The following SGCZ variants were observed in gnomAD, a reference collection of about 807,000 sequenced individuals.
SGCZ encodes sarcoglycan zeta, also known as zeta-sarcoglycan.
SGCZ carries 40 observed loss-of-function variants against 41.3 expected under a neutral mutation model. That is an observed-to-expected ratio of 0.97 (90% confidence interval 0.75 to 1.26). The LOEUF is 1.26. Ranked by LOEUF, SGCZ falls within the 50% of genes most tolerant of loss-of-function variation. The probability of loss-of-function intolerance (pLI) is 0.00; values close to 1 mark genes in which losing one functional copy is unlikely to be tolerated. For synonymous variants in SGCZ, 206 were observed against 137.5 expected, an observed-to-expected ratio of 1.50 and a Z score of -3.49; for missense variants, 552 against 369.8, an observed-to-expected ratio of 1.49 and a Z score of -4.04.
intron 1 of SGCZ, among the ~76,000 whole-genome samples, chr8:14,785,505 T>C (rs1034045504): frequency 6.6e-6 from 1 of 152,124 alleles, no homozygotes; most frequent in African/African-American, 2.4e-5. Flanking sequence ...AAATACCCAA[T>C]AGTCAATATA....
chr8:14,582,647 A>G (rs201571282), intron 1 of SGCZ, among the ~76,000 whole-genome samples: 131 of 131,686 alleles, frequency 9.9e-4, no homozygotes, highest in East Asian at 1.3e-3. Flanking sequence ...TCCTAATGCT[A>G]TCCCTCCCCC....
chr8:14,346,146 C>T (rs1246683016), intron 2 of SGCZ, among the ~76,000 whole-genome samples: 1 of 151,916 alleles, frequency 6.6e-6, no homozygotes, highest in Admixed American at 6.6e-5. Context: ...TCAGTTGTAA[C>T]AAATGTATCA....
chr8:15,090,698 G>A (rs975266637), intron 1 of SGCZ, among the ~76,000 whole-genome samples: 1 of 152,144 alleles, frequency 6.6e-6, no homozygotes. Flanking sequence ...GCCAAGCGTT[G>A]ATAGGAAGCA....
chr8:14,892,693 A>C (rs534162293), intron 1 of SGCZ, among the ~76,000 whole-genome samples: 1 of 152,310 alleles, frequency 6.6e-6, no homozygotes, highest in Admixed American at 6.5e-5. Flanking sequence ...AAGTAAATAA[A>C]AATTATGATC....
intron 1 of SGCZ, among the ~76,000 whole-genome samples, chr8:14,623,263 A>G (rs1585133093): frequency 6.6e-6 from 1 of 152,250 alleles, no homozygotes; most frequent in East Asian, 1.9e-4. Flanking sequence ...CAAATTAAGT[A>G]GCAGGAAAGC....
chr8:14,776,518 CTT>C (rs35602866), intron 1 of SGCZ, among the ~76,000 whole-genome samples: 6 of 116,616 alleles, frequency 5.1e-5, no homozygotes, highest in Admixed American at 1.0e-4. Flanking sequence ...TTTTCTTTTT[CTT>C]TTTTTTTTTT....
At position 15,189,433 on chromosome 8, in the gene SGCZ, T is replaced by C. The variant is rs77930348; in HGVS notation, c.39+48152A>G. ...CATTTTCACTTTTTGTAAAGAAAGC[T>C]TTCCCTCCAAAAGCTTGCCTGGTAC... On this transcript the variant is annotated intron_variant, in intron 1 of 7. Coordinates refer to ENST00000382080, the MANE Select transcript of SGCZ (RefSeq NM_139167.4). Among the ~76,000 whole-genome samples the C allele has an allele frequency of 9.1e-3, 1,381 of 152,300 alleles. 20 individuals are homozygous for C. The highest frequency in any genetic ancestry group is 0.031 in the African/African-American group (1,297 of 41,568).
At chr8:14,681,770 G>C (rs1322643844) in intron 1 of SGCZ, among the ~76,000 whole-genome samples, 1 of 152,062 alleles carries the variant, frequency 6.6e-6, no homozygotes, top group African/African-American at 2.4e-5. Context: ...ATATCTTAGA[G>C]AGAGGTCTCT....
Position 14,483,642 on chromosome 8 carries a change from T to G in SGCZ, c.234+71090A>C, listed in dbSNP as rs553155189. 1.3e-4 allele frequency among the ~76,000 whole-genome samples: 20 copies of G among 152,328 alleles called. 3 individuals are homozygous for G. In the South Asian group the frequency reaches 4.1e-3, roughly 32 times the overall value. Reference sequence around the variant, plus strand: ...TCATTTTTGGCCATGTAAATTACGTTGATAAAGAAATTCAAAGAGAGTATA... The same window carrying G: ...TCATTTTTGGCCATGTAAATTACGTGGATAAAGAAATTCAAAGAGAGTATA... On this transcript the variant is annotated intron_variant, in intron 2 of 7. Transcript: ENST00000382080.
At chr8:15,201,873 T>C (rs1337175998) in intron 1 of SGCZ, among the ~76,000 whole-genome samples, 2 of 152,208 alleles carry the variant, frequency 1.3e-5, no homozygotes, top group Non-Finnish European at 2.9e-5. Flanking sequence ...AGAGTGACTA[T>C]CTATATAAAA....
Position 14,086,989 on chromosome 8 carries a change from C to T in SGCZ, c.*3454G>A, listed in dbSNP as rs914321101. ...GTGACCAACGTAATTAAATATATGT[C>T]TTAAGTAGGTAAGTTCACATGACTA... is the stretch of plus-strand genomic sequence containing the variant. On this transcript the variant is annotated 3_prime_UTR_variant, in exon 8 of 8. Coordinates refer to ENST00000382080, the MANE Select transcript of SGCZ (RefSeq NM_139167.4). 1.3e-5 allele frequency among the ~76,000 whole-genome samples: 2 copies of T among 151,560 alleles called. No homozygotes were observed. The highest frequency in any genetic ancestry group is 1.5e-5 in the Non-Finnish European group (1 of 67,720).
intron 2 of SGCZ, among the ~76,000 whole-genome samples, chr8:14,338,724 AAT>A (rs1802588041): frequency 6.6e-6 from 1 of 152,180 alleles, no homozygotes; most frequent in Non-Finnish European, 1.5e-5. Flanking sequence ...TTTCTTATGA[AAT>A]AGAGTGAACA....
chr8:14,198,569 A>C (rs1319005659), intron 4 of SGCZ, among the ~76,000 whole-genome samples: 3 of 150,916 alleles, frequency 2.0e-5, no homozygotes, highest in African/African-American at 7.3e-5. Flanking sequence ...AACAAATTGC[A>C]CATGTACACC....
At chr8:14,814,730 C>T (rs190414876) in intron 1 of SGCZ, among the ~76,000 whole-genome samples, 2 of 152,216 alleles carry the variant, frequency 1.3e-5, no homozygotes, top group East Asian at 1.9e-4. Flanking sequence ...TCTCTCATCA[C>T]CAAATCTCAT....
chr8:14,607,648 G>C (rs1414069018), intron 1 of SGCZ, among the ~76,000 whole-genome samples: 1 of 152,062 alleles, frequency 6.6e-6, no homozygotes, highest in Non-Finnish European at 1.5e-5. Flanking sequence ...GTGCAGGGTA[G>C]TGACAATTAT....
At chr8:14,961,625 C>T (rs1413328369) in intron 1 of SGCZ, among the ~76,000 whole-genome samples, 2 of 152,154 alleles carry the variant, frequency 1.3e-5, no homozygotes, top group East Asian at 3.9e-4. Flanking sequence ...TAAGAAAAAA[C>T]ATAGTACATA....
intron 1 of SGCZ, among the ~76,000 whole-genome samples, chr8:15,219,585 G>C (rs562273174): frequency 6.6e-6 from 1 of 152,116 alleles, no homozygotes; most frequent in African/African-American, 2.4e-5. Flanking sequence ...TACACTGTTC[G>C]TATCCCATTA....
intron 1 of SGCZ, among the ~76,000 whole-genome samples, chr8:14,768,466 G>T (rs1800115791): frequency 1.3e-5 from 2 of 152,124 alleles, no homozygotes; most frequent in South Asian, 4.1e-4. Flanking sequence ...ATAGAACAAA[G>T]ATTTTACAAA....
In SGCZ at chr8:14,087,575, A is replaced by C. The variant is rs1473029607; in HGVS notation, c.*2868T>G. On this transcript the variant is annotated 3_prime_UTR_variant, in exon 8 of 8. Transcript: ENST00000382080. ...CCATGTAGTACACTATAAAGGACTC[A>C]TTTTTCTCAGTGTCATTTGGGGAAG... Among the ~76,000 whole-genome samples, 1 of 151,572 alleles carries C rather than the reference A, an allele frequency of 6.6e-6. No homozygotes were observed. The highest frequency in any genetic ancestry group is 1.5e-5 in the Non-Finnish European group (1 of 67,732).
Sources: gnomAD v4.1 joint callset for allele counts (sites outside exome capture counted in the v4.1 genomes callset) on GRCh38, gnomAD v4.1.1 for gene constraint, MANE v1.5 for transcripts, NCBI Gene and HGNC (gene_info 2026-07-23, HGNC 2026-07-21) for gene names.